The following DOCK2 variants were observed in gnomAD, a reference collection of about 807,000 sequenced individuals.
DOCK2 encodes dedicator of cytokinesis protein 2.
A neutral mutation model predicts 248.9 loss-of-function variants in DOCK2; 87 were observed. The ratio of observed to expected loss-of-function variants is 0.35; its 90% CI spans 0.29 to 0.42. The LOEUF is 0.42. Among genes scored for constraint, DOCK2 ranks in the 10% least tolerant of loss-of-function variants. DOCK2 has a pLI of 1.00. For synonymous variants in DOCK2, 805 were observed against 821.6 expected, an observed-to-expected ratio of 0.98 and a Z score of 0.35; for missense variants, 1,747 against 2,300.2, an observed-to-expected ratio of 0.76 and a Z score of 4.92.
chr5:169,945,505 T>G (rs1394188616), intron 27 of DOCK2, among the ~76,000 whole-genome samples: 3 of 152,260 alleles, frequency 2.0e-5, no homozygotes, highest in Non-Finnish European at 4.4e-5. Flanking sequence ...GTATGTGTTG[T>G]CTCATGCAAT....
intron 46 of DOCK2, among the ~76,000 whole-genome samples, chr5:170,069,726 A>ACATCCCACACAAGCCGCTGCT (rs1561907715): frequency 6.6e-6 from 1 of 152,166 alleles, no homozygotes; most frequent in East Asian, 1.9e-4. Context: ...CAAAGGGTCT[A>ACATCCCACACAAGCCGCTGCT]CATCCCACAC....
At chr5:169,730,732 G>A (rs1254818949) in intron 22 of DOCK2, among the ~76,000 whole-genome samples, 3 of 152,110 alleles carry the variant, frequency 2.0e-5, no homozygotes, top group Non-Finnish European at 4.4e-5. Flanking sequence ...TCTAGCAATC[G>A]CTCAACTCCC....
chr5:169,800,944 C>CTTTTTTTTTTTTTTTTTT (rs60140740), intron 25 of DOCK2, among the ~76,000 whole-genome samples: 7 of 53,186 alleles, frequency 1.3e-4, no homozygotes, highest in East Asian at 6.5e-4. Flanking sequence ...TTCTTTCTTT[C>CTTTTTTTTTTTTTTTTTT]TTTTTTTTTT....
At chr5:169,753,226 T>C (rs1047365956) in intron 23 of DOCK2, among the ~76,000 whole-genome samples, 1 of 152,232 alleles carries the variant, frequency 6.6e-6, no homozygotes, top group Non-Finnish European at 1.5e-5. Context: ...ATGACATACC[T>C]GCACAGAATG....
chr5:169,848,217 G>A (rs1282050023), intron 27 of DOCK2, among the ~76,000 whole-genome samples: 1 of 152,204 alleles, frequency 6.6e-6, no homozygotes, highest in East Asian at 1.9e-4. Flanking sequence ...ATTGCACCTT[G>A]AGCCCTCACA....
At position 169,700,067 on chromosome 5, in the gene DOCK2, G is replaced by T; in HGVS notation, c.1186G>T (p.Asp396Tyr). Residue 396 changes from aspartate (D) to tyrosine (Y), a missense_variant, in exon 13 of 52, where the codon GAC (aspartate) becomes TAC (tyrosine). By Grantham distance (160) the Asp-to-Tyr change is radical. Transcript: ENST00000520908. ...LVGDIIQIRK[D>Y]YPHLVDRTTV... is the part of the protein sequence containing the mutation. ...GGGTGACATCATTCAGATTCGCAAGGACTATCCACACCTGGTGGACAGGAC... is the reference window on the plus strand; with the variant it reads ...GGGTGACATCATTCAGATTCGCAAGTACTATCCACACCTGGTGGACAGGAC... The T allele has an allele frequency of 6.2e-7, 1 of 1,614,040 alleles. No individual in the cohort carries two copies. The highest frequency in any genetic ancestry group is 8.5e-7 in the Non-Finnish European group (1 of 1,179,938).
intron 27 of DOCK2, among the ~76,000 whole-genome samples, chr5:169,885,806 G>T (rs1379572545): frequency 6.6e-6 from 1 of 152,086 alleles, no homozygotes; most frequent in Admixed American, 6.5e-5. Flanking sequence ...GGCCCAGAAG[G>T]GTTAAGTAAC....
chr5:169,939,793 A>G (rs1776159325), intron 27 of DOCK2, among the ~76,000 whole-genome samples: 1 of 152,094 alleles, frequency 6.6e-6, no homozygotes, highest in African/African-American at 2.4e-5. Flanking sequence ...CCTAAAAAAT[A>G]TAAGAAAGGT....
intron 27 of DOCK2, among the ~76,000 whole-genome samples, chr5:169,872,570 A>G (rs1245593316): frequency 1.3e-5 from 2 of 152,200 alleles, no homozygotes; most frequent in East Asian, 3.9e-4. Flanking sequence ...TGGCATGTAT[A>G]TAAATGGGAT....
intron 40 of DOCK2, among the ~76,000 whole-genome samples, chr5:170,049,399 C>A (rs1581556851): frequency 2.6e-5 from 4 of 152,358 alleles, no homozygotes; most frequent in African/African-American, 7.2e-5. Context: ...AGGCGTGAGC[C>A]ACCAGGCCCA....
At chr5:169,663,222 A>G (rs768818914) in intron 2 of DOCK2, among the ~76,000 whole-genome samples, 1 of 152,210 alleles carries the variant, frequency 6.6e-6, no homozygotes, top group African/African-American at 2.4e-5. Context: ...GGCCACATTG[A>G]TGCAAGGGAT....
intron 27 of DOCK2, among the ~76,000 whole-genome samples, chr5:169,914,933 A>C (rs1294097635): frequency 1.3e-5 from 2 of 152,324 alleles, no homozygotes; most frequent in East Asian, 3.9e-4. Context: ...GCCTCTTCCC[A>C]CAGGCAGCGC....
chr5:170,080,215 C>A lies in DOCK2; in HGVS notation c.5219C>A (p.Ala1740Asp), dbSNP rs1362269762. 3 of 1,614,148 alleles carry A rather than the reference C, an allele frequency of 1.9e-6. No homozygotes were observed. The highest frequency in any genetic ancestry group is 2.2e-5 in the South Asian group (2 of 91,084). The stretch of plus-strand genomic sequence containing the variant: ...GACACCAACCTCTCGGAGCATGCGG[C>A]CATCCCCCTCAAGGCGTCTGTCCTC... ...MSDTNLSEHA[A>D]IPLKASVLSQ... The change falls in exon 50 of 52, where the codon GCC becomes GAC. Residue 1740 changes from alanine to aspartate, a missense_variant. Around this residue, in one of 4 missense-constraint regions of DOCK2, gnomAD observed 513 missense variants for 586.1 expected, o/e 0.88. Transcript: ENST00000520908.
intron 48 of DOCK2, among the ~76,000 whole-genome samples, chr5:170,078,253 C>T (rs1757906105): frequency 6.6e-6 from 1 of 152,194 alleles, no homozygotes; most frequent in African/African-American, 2.4e-5. Context: ...TCCTGCACCA[C>T]CTACCCACCC....
chr5:170,035,023 T>C (rs1756274424), intron 35 of DOCK2, among the ~76,000 whole-genome samples: 1 of 152,228 alleles, frequency 6.6e-6, no homozygotes, highest in Admixed American at 6.5e-5. Flanking sequence ...GCTCACTACG[T>C]ATTAGTTTCC....
intron 1 of DOCK2, among the ~76,000 whole-genome samples, chr5:169,637,648 C>G (rs1438116073): frequency 2.0e-5 from 3 of 152,202 alleles, no homozygotes; most frequent in African/African-American, 4.8e-5. Context: ...CTTGACAACT[C>G]AGTTCTTCGC....
intron 32 of DOCK2, among the ~76,000 whole-genome samples, chr5:170,015,094 G>T (rs1290163355): frequency 6.6e-6 from 1 of 152,116 alleles, no homozygotes. Flanking sequence ...GCTCCATGGG[G>T]TTAGGCCTTG....
At chr5:169,703,775 G>A (rs1761105256) in intron 14 of DOCK2, among the ~76,000 whole-genome samples, 1 of 152,168 alleles carries the variant, frequency 6.6e-6, no homozygotes, top group Non-Finnish European at 1.5e-5. Context: ...TTGACTCAAA[G>A]GAACATAAAG....
intron 27 of DOCK2, among the ~76,000 whole-genome samples, chr5:169,859,702 C>T (rs1761350680): frequency 6.6e-6 from 1 of 152,218 alleles, no homozygotes; most frequent in Non-Finnish European, 1.5e-5. Context: ...AACCACATTG[C>T]TCCCAACACC....
Sources: gnomAD v4.1 joint callset for allele counts (sites outside exome capture counted in the v4.1 genomes callset) on GRCh38, gnomAD v4.1.1 for gene constraint, gnomAD v4.1.1 regional missense constraint, MANE v1.5 for transcripts, NCBI Gene and HGNC (gene_info 2026-07-23, HGNC 2026-07-21) for gene names.